Variants in CSMD2 observed in about 807,000 individuals in gnomAD.
CSMD2 encodes CUB and Sushi multiple domains 2.
In CSMD2, 130 loss-of-function variants were observed where a neutral mutation model predicts 398.5. That is an observed-to-expected ratio of 0.33 (90% CI 0.28 to 0.38). The LOEUF is 0.38. Among genes scored for constraint, CSMD2 ranks in the 10% least tolerant of loss-of-function variants. The pLI, the probability that CSMD2 is intolerant of heterozygous loss-of-function variation, is 1.00. For synonymous variants in CSMD2, 1,828 were observed against 1,908.5 expected, an observed-to-expected ratio of 0.96 and a Z score of 1.10; for missense variants, 3,829 against 4,764.9, an observed-to-expected ratio of 0.80 and a Z score of 5.78.
intron 26 of CSMD2, 95 bp from the exon 27 acceptor site, chr1:33,658,232 G>A (rs755936698): frequency 6.6e-6 from 7 of 1,065,950 alleles, no homozygotes; most frequent in Non-Finnish European, 9.8e-6. Context: ...GCCATCATCC[G>A]TGCATTGCCA....
chr1:33,914,820 G>C (rs1328932017), intron 5 of CSMD2, among the ~76,000 whole-genome samples: 1 of 152,168 alleles, frequency 6.6e-6, no homozygotes, highest in Admixed American at 6.5e-5. Flanking sequence ...ACTTCCAATT[G>C]ATTATTTCCT....
chr1:33,709,207 T>G lies in CSMD2; in HGVS notation c.3458A>C (p.Asn1153Thr). The G allele has an allele frequency of 6.2e-7, 1 of 1,614,048 alleles. No individual in the cohort carries two copies. The highest frequency in any genetic ancestry group is 8.5e-7 in the Non-Finnish European group (1 of 1,179,974). Residue 1153 changes from asparagine (N) to threonine (T), a missense_variant, in exon 22 of 71, where the codon AAC becomes ACC. Transcript: ENST00000373381. ...ATTGTTATTGTAGTTCACAGGAAAG[T>G]TGGGGGACAGCAAAGTACCCTGAGT... is the stretch of plus-strand genomic sequence containing the variant. The part of the protein sequence containing the change: ...TGTQGTLLSP[N>T]FPVNYNNNHE...
Position 33,716,389 on chromosome 1 carries a change from C to A in CSMD2, c.3114G>T (p.Leu1038=). ...AGAGCCCAGCGCTGATGGGAGCTGG[C>A]AGCCGAGATCCAGTTAGCTGCCTCA... is the stretch of plus-strand genomic sequence containing the variant. ...QPLRQLTGSR[L]PAPISAGLYG... is the part of the protein sequence containing the mutation. The change falls in exon 20 of 71, where the codon CTG becomes CTT. Residue 1038 remains leucine (L), a synonymous_variant. Transcript: ENST00000373381. 6.2e-7 allele frequency: 1 copy of A among 1,614,110 alleles called. No individual in the cohort carries two copies. The highest frequency in any genetic ancestry group is 8.5e-7 in the Non-Finnish European group (1 of 1,180,028).
chr1:33,569,226 C>A (rs1051257484), intron 52 of CSMD2, 148 bp downstream of exon 52: 1 of 791,386 alleles, frequency 1.3e-6, no homozygotes, highest in Non-Finnish European at 1.9e-6. Flanking sequence ...TTTAGTCATG[C>A]CTGATGGCCA....
chr1:33,691,478 C>T (rs182265847), intron 25 of CSMD2, among the ~76,000 whole-genome samples: 1 of 152,292 alleles, frequency 6.6e-6, no homozygotes, highest in Admixed American at 6.5e-5. Context: ...TAATACATTT[C>T]CTTAACATTA....
At chr1:33,943,070 C>T (rs1367035463) in intron 3 of CSMD2, among the ~76,000 whole-genome samples, 1 of 152,076 alleles carries the variant, frequency 6.6e-6, no homozygotes, top group South Asian at 2.1e-4. Flanking sequence ...CTGCCAGGAG[C>T]CCACATTATA....
intron 4 of CSMD2, 31 bp downstream of exon 4, chr1:33,935,729 C>T (rs996700540): frequency 1.9e-6 from 3 of 1,567,386 alleles, no homozygotes; most frequent in African/African-American, 1.4e-5. Flanking sequence ...GCCACTGCCC[C>T]ACTCTGTCAG....
chr1:33,623,512 C>A (rs1397526485), intron 35 of CSMD2, 46 bp from the exon 36 acceptor site: 1 of 1,325,944 alleles, frequency 7.5e-7, no homozygotes, highest in Admixed American at 1.7e-5. Flanking sequence ...GCCTGCGTCC[C>A]TCCCTCCTTC....
intron 62 of CSMD2, among the ~76,000 whole-genome samples, chr1:33,535,444 A>G (rs1655677072): frequency 6.6e-6 from 1 of 152,212 alleles, no homozygotes; most frequent in Non-Finnish European, 1.5e-5. Flanking sequence ...CACCTTTGTC[A>G]CTTGATAGTA....
At chr1:34,153,544 C>T (rs1027744997) in intron 1 of CSMD2, among the ~76,000 whole-genome samples, 3 of 152,216 alleles carry the variant, frequency 2.0e-5, no homozygotes, top group Admixed American at 2.0e-4. Flanking sequence ...GTACACTCAG[C>T]ACTGAAACTT....
intron 13 of CSMD2, chr1:33,772,162 A>G (rs1651359869): frequency 1.2e-5 from 2 of 160,082 alleles, no homozygotes; most frequent in Non-Finnish European, 2.7e-5. Flanking sequence ...CAGTTACTGG[A>G]GGCTGGTGGT....
chr1:33,980,881 G>A (rs1646140566), intron 3 of CSMD2, among the ~76,000 whole-genome samples: 1 of 152,212 alleles, frequency 6.6e-6, no homozygotes, highest in African/African-American at 2.4e-5. Flanking sequence ...AGGATGGGGT[G>A]GGGAACTTCC....
At chr1:33,587,940 C>G (rs1216986488) in intron 44 of CSMD2, among the ~76,000 whole-genome samples, 3 of 152,164 alleles carry the variant, frequency 2.0e-5, no homozygotes, top group Non-Finnish European at 4.4e-5. Context: ...CCAATCACCC[C>G]AATCCTTGCT....
intron 6 of CSMD2, among the ~76,000 whole-genome samples, chr1:33,844,387 T>C (rs1203457008): frequency 6.6e-6 from 1 of 152,206 alleles, no homozygotes; most frequent in Non-Finnish European, 1.5e-5. Context: ...CTAAACATCC[T>C]GCTATGCACA....
chr1:33,819,640 C>G (rs564421006), intron 9 of CSMD2, 73 bp downstream of exon 9: 1 of 1,446,172 alleles, frequency 6.9e-7, no homozygotes, highest in East Asian at 2.4e-5. Flanking sequence ...GCCTCAGGTG[C>G]TGGGAGCTGG....
In CSMD2 at chr1:33,623,469, G is replaced by A. The variant is rs778252010; in HGVS notation, c.5626-3C>T. On this transcript the variant is annotated splice_region_variant and splice_polypyrimidine_tract_variant and intron_variant, in intron 35 of 70. Transcript: ENST00000373381. ...GTCACAAAACTGACAACTTGGATCT[G>A]GGAAGGGAGAAGAGTGAATTGTTGG... 1 of 1,612,746 alleles carries A rather than the reference G, an allele frequency of 6.2e-7. No individual in the cohort carries two copies. Among genetic ancestry groups the A allele is most frequent in the Non-Finnish European group, 8.5e-7 (1 of 1,178,830 alleles).
At chr1:34,102,306 A>G (rs1660031983) in intron 1 of CSMD2, among the ~76,000 whole-genome samples, 1 of 152,224 alleles carries the variant, frequency 6.6e-6, no homozygotes, top group South Asian at 2.1e-4. Context: ...CTGGGATTAC[A>G]GGCGTGAGCC....
At chr1:34,000,826 TAAAAGA>T (rs1236583320) in intron 3 of CSMD2, among the ~76,000 whole-genome samples, 2 of 151,862 alleles carry the variant, frequency 1.3e-5, no homozygotes, top group Non-Finnish European at 2.9e-5. Flanking sequence ...TTCAAGGACC[TAAAAGA>T]AAAATTGTAA....
chr1:34,021,331 C>T (rs1455734018), intron 3 of CSMD2, among the ~76,000 whole-genome samples: 1 of 152,198 alleles, frequency 6.6e-6, no homozygotes, highest in Non-Finnish European at 1.5e-5. Flanking sequence ...AACAGGGTCA[C>T]CTGACCCAAG....
Sources: gnomAD v4.1 joint callset for allele counts (sites outside exome capture counted in the v4.1 genomes callset) on GRCh38, gnomAD v4.1.1 for gene constraint, MANE v1.5 for transcripts, NCBI Gene and HGNC (gene_info 2026-07-23, HGNC 2026-07-21) for gene names.